Variants in PCDH15 observed in about 807,000 individuals in gnomAD.
PCDH15 encodes protocadherin-15.
In PCDH15, 129 loss-of-function variants were observed where a neutral mutation model predicts 178.5. The observed-to-expected ratio is 0.72, with a 90% CI of 0.63 to 0.84. PCDH15 has a LOEUF of 0.84. Ranked by LOEUF, PCDH15 falls within the 40% of genes least tolerant of loss-of-function variation. PCDH15 has a pLI of 0.00. For missense variants in PCDH15, 2,230 were observed against 2,099.9 expected, an observed-to-expected ratio of 1.06 and a Z score of -1.21; for synonymous variants, 800 against 732.0, an observed-to-expected ratio of 1.09 and a Z score of -1.50.
chr10:54,031,867 C>CATAG (rs2093304380), intron 18 of PCDH15, among the ~76,000 whole-genome samples: 1 of 151,978 alleles, frequency 6.6e-6, no homozygotes, highest in Non-Finnish European at 1.5e-5. Flanking sequence ...AATGTATTTA[C>CATAG]ATAGTAAGGC....
intron 1 of PCDH15, among the ~76,000 whole-genome samples, chr10:54,780,460 C>T (rs542801753): frequency 1.3e-5 from 2 of 152,154 alleles, no homozygotes; most frequent in African/African-American, 4.8e-5. Flanking sequence ...ACGTGAAACC[C>T]GAAATATCTC....
At chr10:55,312,592 C>T (rs570100947) in intron 1 of PCDH15, among the ~76,000 whole-genome samples, 31 of 151,528 alleles carry the variant, frequency 2.0e-4, no homozygotes, top group African/African-American at 6.5e-4. Context: ...GATTCTTTAT[C>T]ATAGATGTTG....
chr10:54,682,787 T>A (rs1290917029), intron 1 of PCDH15, among the ~76,000 whole-genome samples: 1 of 152,138 alleles, frequency 6.6e-6, no homozygotes, highest in Non-Finnish European at 1.5e-5. Flanking sequence ...AGTCGTAAAT[T>A]CCAAAGAATC....
At chr10:54,741,791 A>G (rs745407433) in intron 1 of PCDH15, among the ~76,000 whole-genome samples, 33 of 151,846 alleles carry the variant, frequency 2.2e-4, no homozygotes, top group Non-Finnish European at 4.0e-4. Context: ...TCTGACTTCT[A>G]TTTCTGCTTC....
chr10:54,557,018 A>G (rs934483699), intron 2 of PCDH15, among the ~76,000 whole-genome samples: 20 of 152,154 alleles, frequency 1.3e-4, no homozygotes, highest in Admixed American at 4.6e-4. Flanking sequence ...ACTTTACTTT[A>G]TCAGAATCTT....
intron 2 of PCDH15, chr10:55,597,252 G>C (rs1268320587): frequency 6.6e-6 from 1 of 151,966 alleles, no homozygotes; most frequent in Non-Finnish European, 1.5e-5. Context: ...ACGCACACAA[G>C]TACGTTCACG....
intron 3 of PCDH15, among the ~76,000 whole-genome samples, chr10:54,826,983 T>C (rs1184504269): frequency 6.6e-6 from 1 of 152,222 alleles, no homozygotes; most frequent in South Asian, 2.1e-4. Context: ...AGATGAGACA[T>C]ATTTGTTTTT....
chr10:54,858,318 A>G (rs1953777389), intron 3 of PCDH15, among the ~76,000 whole-genome samples: 1 of 152,124 alleles, frequency 6.6e-6, no homozygotes, highest in African/African-American at 2.4e-5. Flanking sequence ...TCATTGATAG[A>G]CACTTCAGTT....
chr10:55,237,320 G>A (rs1361811622), intron 1 of PCDH15, among the ~76,000 whole-genome samples: 1 of 152,038 alleles, frequency 6.6e-6, no homozygotes, highest in Non-Finnish European at 1.5e-5. Flanking sequence ...GAGCTAATTT[G>A]TATTTCTAGC....
At chr10:54,312,095 C>A (rs1252293212) in intron 8 of PCDH15, among the ~76,000 whole-genome samples, 1 of 152,028 alleles carries the variant, frequency 6.6e-6, no homozygotes, top group Non-Finnish European at 1.5e-5. Context: ...TTAGAGTCAA[C>A]ATGTTCTGTT....
chr10:55,590,823 A>G (rs1250443905), intron 2 of PCDH15, among the ~76,000 whole-genome samples: 4 of 152,152 alleles, frequency 2.6e-5, no homozygotes, highest in Non-Finnish European at 5.9e-5. Flanking sequence ...CAATCACTAC[A>G]TATACACAGT....
chr10:54,637,421 G>T (rs1675963666), intron 2 of PCDH15, among the ~76,000 whole-genome samples: 1 of 151,918 alleles, frequency 6.6e-6, no homozygotes, highest in African/African-American at 2.4e-5. Flanking sequence ...TAGGTCAAAA[G>T]GAAAATCCAT....
intron 26 of PCDH15, among the ~76,000 whole-genome samples, chr10:53,891,477 G>T (rs530575352): frequency 6.6e-6 from 1 of 152,038 alleles, no homozygotes; most frequent in South Asian, 2.1e-4. Context: ...GAGATACAAA[G>T]ACATTTAATA....
intron 2 of PCDH15, among the ~76,000 whole-genome samples, chr10:55,569,034 T>C (rs1842357368): frequency 6.6e-6 from 1 of 152,008 alleles, no homozygotes. Flanking sequence ...TGGGACAACA[T>C]GTCCTCCTTT....
At chr10:54,144,184 T>C (rs888168450) in intron 14 of PCDH15, among the ~76,000 whole-genome samples, 7 of 152,076 alleles carry the variant, frequency 4.6e-5, no homozygotes, top group Admixed American at 1.3e-4. Context: ...AGTATGACGC[T>C]GCCCACGATG....
intron 2 of PCDH15, among the ~76,000 whole-genome samples, chr10:55,540,583 A>G (rs551813490): frequency 6.6e-6 from 1 of 152,232 alleles, no homozygotes; most frequent in East Asian, 1.9e-4. Flanking sequence ...GATCTTAAGA[A>G]GTAAATTCTA....
intron 3 of PCDH15, among the ~76,000 whole-genome samples, chr10:54,833,077 A>G (rs1478215926): frequency 6.6e-6 from 1 of 152,164 alleles, no homozygotes; most frequent in Non-Finnish European, 1.5e-5. Flanking sequence ...AACATCACGT[A>G]TGTTATCTAA....
At chr10:55,327,738 T>C (rs1331360939) in intron 2 of PCDH15, among the ~76,000 whole-genome samples, 1 of 152,060 alleles carries the variant, frequency 6.6e-6, no homozygotes, top group Non-Finnish European at 1.5e-5. Context: ...GAATTTAACA[T>C]ATGCATGTTA....
At chr10:54,251,152 T>C (rs1278873237) in intron 8 of PCDH15, among the ~76,000 whole-genome samples, 2 of 152,208 alleles carry the variant, frequency 1.3e-5, no homozygotes, top group African/African-American at 4.8e-5. Flanking sequence ...AAACTTTTTC[T>C]TTCAATGCAC....
Sources: gnomAD v4.1 joint callset for allele counts (sites outside exome capture counted in the v4.1 genomes callset) on GRCh38, gnomAD v4.1.1 for gene constraint, MANE v1.5 for transcripts, NCBI Gene and HGNC (gene_info 2026-07-23, HGNC 2026-07-21) for gene names.